The following EPHB1 variants were observed in gnomAD, a reference collection of about 807,000 sequenced individuals.
The protein encoded by EPHB1 is ephrin type-B receptor 1.
Under a neutral mutation model 94.4 loss-of-function variants are expected in EPHB1, and 30 were observed. The ratio of observed to expected loss-of-function variants is 0.32; its 90% CI spans 0.24 to 0.43. The LOEUF is 0.43. Ranked by LOEUF, EPHB1 falls within the 20% of genes least tolerant of loss-of-function variation. The pLI is 1.00. For missense variants in EPHB1, 1,055 were observed against 1,308.3 expected (o/e 0.81, Z 2.99); for synonymous variants, 522 against 489.1 (o/e 1.07, Z -0.89).
At position 134,899,439 on chromosome 3, in the gene EPHB1, G is replaced by A. The variant is rs373954068; in HGVS notation, c.59-26377G>A. 2.7e-4 allele frequency among the ~76,000 whole-genome samples: 41 copies of A among 152,282 alleles called. No individual in the cohort carries two copies. The South Asian group carries it at 5.8e-3, about 22-fold the overall frequency. On this transcript the variant is annotated intron_variant, in intron 1 of 15. Transcript: ENST00000398015. ...CATGCTTCAGTGCCTTCGCCCTGCT[G>A]TTTCTTCTGCCTAGAATGACCTTCC...
At chr3:134,901,882 G>A (rs2038211087) in intron 1 of EPHB1, among the ~76,000 whole-genome samples, 3 of 152,246 alleles carry the variant, frequency 2.0e-5, no homozygotes, top group Admixed American at 1.3e-4. Flanking sequence ...ACCTCTTAAA[G>A]GGGTTGTGGA....
intron 12 of EPHB1, among the ~76,000 whole-genome samples, chr3:135,215,011 C>G (rs1943114742): frequency 6.6e-6 from 1 of 152,152 alleles, no homozygotes; most frequent in African/African-American, 2.4e-5. Context: ...TTTGTAAAAA[C>G]CCATCTGATA....
intron 9 of EPHB1, among the ~76,000 whole-genome samples, chr3:135,172,981 G>A (rs577603845): frequency 2.0e-5 from 3 of 151,788 alleles, no homozygotes; most frequent in African/African-American, 2.4e-5. Context: ...GCCTGTCCCC[G>A]TCATTGATAC....
intron 12 of EPHB1, among the ~76,000 whole-genome samples, chr3:135,227,810 C>T (rs1416021238): frequency 1.3e-5 from 2 of 152,118 alleles, no homozygotes; most frequent in Non-Finnish European, 2.9e-5. Context: ...ACTCATATAA[C>T]ATTTGCCCGG....
intron 12 of EPHB1, among the ~76,000 whole-genome samples, chr3:135,232,426 C>G (rs1457751669): frequency 6.6e-6 from 1 of 152,194 alleles, no homozygotes; most frequent in African/African-American, 2.4e-5. Context: ...GACCCTCACT[C>G]GCAAGCAGGT....
At chr3:135,228,380 G>A (rs915777300) in intron 12 of EPHB1, among the ~76,000 whole-genome samples, 4 of 152,074 alleles carry the variant, frequency 2.6e-5, no homozygotes, top group Non-Finnish European at 5.9e-5. Flanking sequence ...CTGGAGGCAC[G>A]TGATGTTTGC....
At chr3:135,193,344 A>G (rs116584410) in intron 11 of EPHB1, among the ~76,000 whole-genome samples, 1,976 of 152,320 alleles carry the variant, frequency 0.013, 39 homozygotes, top group African/African-American at 0.046. Context: ...TATTTCTGTG[A>G]TTGGCGAAGA....
At chr3:135,003,860 C>T (rs1379171758) in intron 3 of EPHB1, among the ~76,000 whole-genome samples, 6 of 151,974 alleles carry the variant, frequency 3.9e-5, no homozygotes, top group Admixed American at 1.3e-4. Context: ...TGTCTCTGCA[C>T]GTGAGATGGG....
chr3:135,052,909 A>ATATATGTG (rs1217744067), intron 3 of EPHB1, among the ~76,000 whole-genome samples: 12 of 68,828 alleles, frequency 1.7e-4, no homozygotes, highest in East Asian at 3.7e-4. Flanking sequence ...ATATATATAT[A>ATATATGTG]TGTGTGTGTG....
chr3:135,022,994 T>C (rs2107755316), intron 3 of EPHB1, among the ~76,000 whole-genome samples: 1 of 152,368 alleles, frequency 6.6e-6, no homozygotes, highest in South Asian at 2.1e-4. Context: ...CTGGCCACAA[T>C]CATTTTCTGC....
intron 3 of EPHB1, among the ~76,000 whole-genome samples, chr3:135,001,462 C>T (rs1464944717): frequency 1.3e-5 from 2 of 152,190 alleles, no homozygotes; most frequent in Non-Finnish European, 1.5e-5. Flanking sequence ...CTGCTGGACC[C>T]ATGACCACAC....
intron 3 of EPHB1, among the ~76,000 whole-genome samples, chr3:135,103,987 G>A (rs1408486475): frequency 6.6e-6 from 1 of 152,238 alleles, no homozygotes; most frequent in Non-Finnish European, 1.5e-5. Flanking sequence ...AATGTAAAGT[G>A]AGGAGGCTTT....
chr3:135,201,158 A>G (rs1169923571), intron 11 of EPHB1, among the ~76,000 whole-genome samples: 2 of 151,756 alleles, frequency 1.3e-5, no homozygotes, highest in African/African-American at 4.8e-5. Context: ...GAGAGAATGG[A>G]TTGGGGGGCG....
At chr3:134,886,704 A>G (rs983508890) in intron 1 of EPHB1, among the ~76,000 whole-genome samples, 7 of 152,146 alleles carry the variant, frequency 4.6e-5, no homozygotes, top group Non-Finnish European at 8.8e-5. Flanking sequence ...GAAGTGTGCA[A>G]ACCTTTTGCA....
intron 1 of EPHB1, among the ~76,000 whole-genome samples, chr3:134,901,564 G>C (rs988405651): frequency 6.6e-6 from 1 of 152,252 alleles, no homozygotes; most frequent in African/African-American, 2.4e-5. Context: ...CTTCTCACCT[G>C]CTGGCTTGGC....
At chr3:135,153,746 A>G (rs1941267973) in intron 5 of EPHB1, among the ~76,000 whole-genome samples, 1 of 152,154 alleles carries the variant, frequency 6.6e-6, no homozygotes, top group Non-Finnish European at 1.5e-5. Context: ...CCAGGTTCTC[A>G]TCTCTGCAAT....
intron 1 of EPHB1, among the ~76,000 whole-genome samples, chr3:134,920,306 G>A (rs1032474142): frequency 1.3e-5 from 2 of 152,146 alleles, no homozygotes; most frequent in African/African-American, 2.4e-5. Context: ...TGGGGCTGCC[G>A]TGTGTCCTTT....
At chr3:135,154,649 C>T (rs1941296730) in intron 6 of EPHB1, among the ~76,000 whole-genome samples, 1 of 152,056 alleles carries the variant, frequency 6.6e-6, no homozygotes, top group Non-Finnish European at 1.5e-5. Context: ...CAGTGTTTTT[C>T]AAAGTGTTTG....
intron 1 of EPHB1, among the ~76,000 whole-genome samples, chr3:134,883,868 T>C (rs919375128): frequency 2.0e-4 from 30 of 152,148 alleles, no homozygotes; most frequent in African/African-American, 6.8e-4. Context: ...GTGAGCACTC[T>C]TAGGTACCTT....
Sources: allele counts gnomAD v4.1 joint callset (sites outside exome capture counted in the v4.1 genomes callset), GRCh38; gene constraint gnomAD v4.1.1; transcripts MANE v1.5; gene names NCBI Gene and HGNC (gene_info 2026-07-23, HGNC 2026-07-21).